Variants in UBE3A observed in about 807,000 individuals in gnomAD.
UBE3A encodes the protein ubiquitin-protein ligase E3A.
UBE3A carries 6 observed loss-of-function variants against 83.4 expected under a neutral mutation model. That is an observed-to-expected ratio of 0.07 (90% confidence interval 0.04 to 0.14). The LOEUF is 0.14. UBE3A is among the 10% of genes least tolerant of loss of function. The probability of loss-of-function intolerance (pLI) is 1.00; values close to 1 mark genes in which losing one functional copy is unlikely to be tolerated. For synonymous variants in UBE3A, 337 were observed against 355.4 expected (o/e 0.95, Z 0.58); for missense variants, 456 against 1,036.1 (o/e 0.44, Z 7.69).
Position 25,435,844 on chromosome 15 carries a change from G to T in UBE3A, c.-165+2645C>A, listed in dbSNP as rs139023620. ...AAAAAGTTCATAGCTAATGAGAAAA[G>T]AAATAAACAACATAAAGGATAACAT... On this transcript the variant is annotated intron_variant, in intron 1 of 12. Coordinates refer to ENST00000648336, the MANE Select transcript of UBE3A (RefSeq NM_130839.5). Among the ~76,000 whole-genome samples the T allele has an allele frequency of 7.7e-3, 1,169 of 152,204 alleles. 10 individuals carry two copies. Among genetic ancestry groups the T allele is most frequent in the African/African-American group, 0.027 (1,117 of 41,516 alleles).
At chr15:25,426,509 G>A (rs1405843216) in intron 1 of UBE3A, among the ~76,000 whole-genome samples, 2 of 152,138 alleles carry the variant, frequency 1.3e-5, no homozygotes, top group African/African-American at 2.4e-5. Flanking sequence ...ACTAAAGGTA[G>A]GTGGGTTTTT....
intron 4 of UBE3A, among the ~76,000 whole-genome samples, chr15:25,381,281 A>G (rs980149678): frequency 3.3e-5 from 5 of 152,206 alleles, no homozygotes; most frequent in African/African-American, 1.2e-4. Flanking sequence ...CACTAAAAAA[A>G]TGAATTTACA....
chr15:25,419,971 GAAGAA>G (rs752191877), intron 1 of UBE3A, among the ~76,000 whole-genome samples: 16 of 151,922 alleles, frequency 1.1e-4, no homozygotes, highest in Admixed American at 2.0e-4. Flanking sequence ...GGCAGAAAAG[GAAGAA>G]AAGATTAGAC....
Position 25,339,090 on chromosome 15 carries a change from CT to C in UBE3A, c.*46del, listed in dbSNP as rs368425414. On this transcript the variant is annotated 3_prime_UTR_variant, in exon 13 of 13. Transcript: ENST00000648336. ...ATTTTTAAAATTTTTTAAATTTTTTCTTTTTTTTTCCTTCCTTTTTTTTGTT... is the reference window on the plus strand; with the variant it reads ...ATTTTTAAAATTTTTTAAATTTTTTCTTTTTTTTCCTTCCTTTTTTTTGTT... 166 of 1,461,526 alleles carry C rather than the reference CT, an allele frequency of 1.1e-4. 2 individuals are homozygous for C. The highest frequency in any genetic ancestry group is 5.2e-4 in the African/African-American group (36 of 69,074). The allele number at this position is 1,461,526 out of a possible 1,614,324, so 90.5% of individuals were successfully genotyped here. A position where few individuals can be genotyped will look rare whatever the true frequency, so the allele number is the denominator to read the frequency against.
At chr15:25,382,171 A>T (rs77550689) in intron 4 of UBE3A, among the ~76,000 whole-genome samples, 2 of 152,084 alleles carry the variant, frequency 1.3e-5, no homozygotes, top group Non-Finnish European at 2.9e-5. Context: ...ACAAAAAAAA[A>T]TTAGCTGGGC....
chr15:25,388,690 A>G (rs1020038501), intron 4 of UBE3A, among the ~76,000 whole-genome samples: 5 of 152,188 alleles, frequency 3.3e-5, no homozygotes, highest in African/African-American at 9.7e-5. Context: ...CTATATGTGT[A>G]GAACATAGAC....
chr15:25,352,929 A>C (rs1469914679), intron 11 of UBE3A, among the ~76,000 whole-genome samples: 1 of 152,218 alleles, frequency 6.6e-6, no homozygotes, highest in Non-Finnish European at 1.5e-5. Flanking sequence ...AGTAGGGATT[A>C]TGTTGTTATA....
chr15:25,353,833 C>CAGAT (rs1007996518), intron 11 of UBE3A, among the ~76,000 whole-genome samples: 1 of 152,074 alleles, frequency 6.6e-6, no homozygotes, highest in African/African-American at 2.4e-5. Flanking sequence ...TGCTTAAAAG[C>CAGAT]AGATAGAACT....
intron 1 of UBE3A, among the ~76,000 whole-genome samples, chr15:25,422,338 T>C (rs1340456830): frequency 2.0e-5 from 3 of 152,206 alleles, no homozygotes; most frequent in African/African-American, 4.8e-5. Context: ...TTGATTGTAG[T>C]AGCAGTGATA....
chr15:25,364,297 A>G (rs1393048493), intron 6 of UBE3A, among the ~76,000 whole-genome samples: 2 of 152,148 alleles, frequency 1.3e-5, no homozygotes, highest in African/African-American at 4.8e-5. Flanking sequence ...CATAAAATTT[A>G]GCAATAACCA....
At chr15:25,379,857 A>G (rs2081889742) in intron 4 of UBE3A, among the ~76,000 whole-genome samples, 1 of 152,190 alleles carries the variant, frequency 6.6e-6, no homozygotes, top group Admixed American at 6.5e-5. Flanking sequence ...ATAGTTTGTA[A>G]CGTGAAAATT....
At chr15:25,409,488 C>T (rs555268148) in intron 2 of UBE3A, 98 of 168,374 alleles carry the variant, frequency 5.8e-4, no homozygotes, top group African/African-American at 2.3e-3. Flanking sequence ...ACAACTTTGG[C>T]TTTACCTAAT....
At chr15:25,405,415 G>A in intron 4 of UBE3A, 46 bp downstream of exon 4, 1 of 1,597,406 alleles carries the variant, frequency 6.3e-7, no homozygotes, top group Non-Finnish European at 8.6e-7. Context: ...AAGCAGTCTA[G>A]GGCAACTCAA....
chr15:25,380,859 C>T (rs2082059053), intron 4 of UBE3A, among the ~76,000 whole-genome samples: 1 of 152,118 alleles, frequency 6.6e-6, no homozygotes, highest in Non-Finnish European at 1.5e-5. Context: ...AGTAAAAGTC[C>T]TCTAAAGTCA....
In UBE3A at chr15:25,368,243, A is replaced by G. The variant is rs140252517; in HGVS notation, c.1608+2323T>C. ...CACTTTCTATTATAGAACTTCTACT[A>G]TGTGTTACTAAAATATGTGGCTTTA... On this transcript the variant is annotated intron_variant, in intron 6 of 12. Transcript: ENST00000648336. Among the ~76,000 whole-genome samples, 760 of 152,252 alleles carry G rather than the reference A, an allele frequency of 5.0e-3. 7 individuals are homozygous for G. The highest frequency in any genetic ancestry group is 0.018 in the African/African-American group (729 of 41,578).
chr15:25,362,989 G>A (rs2078373785), intron 6 of UBE3A, among the ~76,000 whole-genome samples: 1 of 152,274 alleles, frequency 6.6e-6, no homozygotes. Flanking sequence ...CCTTATCAAT[G>A]TAAAACCTTT....
chr15:25,389,890 C>T (rs12910441), intron 4 of UBE3A, among the ~76,000 whole-genome samples: 18,099 of 151,854 alleles, frequency 0.12, 1,151 homozygotes, highest in Middle Eastern at 0.23. Flanking sequence ...TCTGTCTCAA[C>T]AGACAGACAG....
At chr15:25,423,693 TC>T (rs1278497094) in intron 1 of UBE3A, among the ~76,000 whole-genome samples, 3 of 151,942 alleles carry the variant, frequency 2.0e-5, no homozygotes, top group Non-Finnish European at 4.4e-5. Context: ...TTTCCTCTTT[TC>T]CCCCCACAAG....
At chr15:25,350,958 A>C (rs1289793322) in intron 11 of UBE3A, among the ~76,000 whole-genome samples, 2 of 152,196 alleles carry the variant, frequency 1.3e-5, no homozygotes, top group Non-Finnish European at 2.9e-5. Flanking sequence ...GTGCTGATGG[A>C]CATAGTCTAC....
Sources: gnomAD v4.1 joint callset for allele counts (sites outside exome capture counted in the v4.1 genomes callset) on GRCh38, gnomAD v4.1.1 for gene constraint, MANE v1.5 for transcripts, NCBI Gene and HGNC (gene_info 2026-07-23, HGNC 2026-07-21) for gene names.